MECR: variants seen among roughly 807,000 people sequenced by gnomAD.
The protein encoded by MECR is enoyl-[acyl-carrier-protein] reductase, mitochondrial.
MECR carries 37 observed loss-of-function variants against 49.1 expected under a neutral mutation model. The observed-to-expected ratio is 0.75, with a 90% CI of 0.58 to 0.99. The LOEUF is 0.99. Ranked by LOEUF, MECR falls within the 50% of genes least tolerant of loss-of-function variation. The pLI is 0.00. For synonymous variants in MECR, 198 were observed against 191.1 expected (o/e 1.04, Z -0.30); for missense variants, 470 against 479.6 (o/e 0.98, Z 0.19).
At chr1:29,215,474 A>T (rs770703740) in intron 3 of MECR, among the ~76,000 whole-genome samples, 3 of 152,080 alleles carry the variant, frequency 2.0e-5, no homozygotes, top group Non-Finnish European at 4.4e-5. Context: ...GCTACTCGGG[A>T]GGCTGAGGCA....
chr1:29,219,162 C>G (rs1042106183), intron 1 of MECR, among the ~76,000 whole-genome samples: 4 of 152,164 alleles, frequency 2.6e-5, no homozygotes, highest in African/African-American at 7.2e-5. Flanking sequence ...GGCATCAGCC[C>G]AGATAGTGAT....
chr1:29,207,850 C>T (rs1462970471), intron 3 of MECR, among the ~76,000 whole-genome samples: 1 of 152,168 alleles, frequency 6.6e-6, no homozygotes, highest in Non-Finnish European at 1.5e-5. Context: ...TAGTTAATGT[C>T]ACCGTGCAGG....
chr1:29,204,220 T>TA (rs886453683), intron 4 of MECR, among the ~76,000 whole-genome samples: 19 of 146,032 alleles, frequency 1.3e-4, no homozygotes, highest in African/African-American at 1.5e-4. Context: ...CTCCCTCTAT[T>TA]AAAAAAAAAA....
the MECR span, among the ~76,000 whole-genome samples, chr1:29,177,014 T>C: frequency 1.3e-5 from 2 of 152,188 alleles, no homozygotes; most frequent in Non-Finnish European, 2.9e-5. Flanking sequence ...GTGGTAAGTT[T>C]TACTCATTAA....
At chr1:29,215,341 A>G (rs1679109426) in intron 3 of MECR, among the ~76,000 whole-genome samples, 1 of 152,158 alleles carries the variant, frequency 6.6e-6, no homozygotes. Flanking sequence ...GCACTTTGGG[A>G]GGCTGAGTGG....
At chr1:29,181,601 TG>T in the MECR span, 7 of 1,513,352 alleles carry the variant, frequency 4.6e-6, no homozygotes, top group East Asian at 1.9e-4. Flanking sequence ...CCACCACCTA[TG>T]GGGTCTGTCC....
At chr1:29,197,116 G>A (rs1674199899) in intron 7 of MECR, among the ~76,000 whole-genome samples, 1 of 152,188 alleles carries the variant, frequency 6.6e-6, no homozygotes, top group African/African-American at 2.4e-5. Flanking sequence ...TGGATGACTT[G>A]TATGTTTAGC....
intron 5 of MECR, 74 bp downstream of exon 5, chr1:29,203,057 A>C (rs1675705696): frequency 7.8e-7 from 1 of 1,280,242 alleles, no homozygotes; most frequent in African/African-American, 1.5e-5. Flanking sequence ...CTGGTGGACA[A>C]CTGGGCACCG....
At chr1:29,172,163 C>T in the MECR span, 1 of 152,154 alleles carries the variant, frequency 6.6e-6, no homozygotes, top group Middle Eastern at 3.4e-3. Flanking sequence ...AAAATTTGAT[C>T]ACATTTGTAA....
chr1:29,173,695 C>G, the MECR span, among the ~76,000 whole-genome samples: 1 of 149,776 alleles, frequency 6.7e-6, no homozygotes, highest in East Asian at 2.0e-4. Context: ...GTGATCCGCC[C>G]ACCTCAGCTT....
chr1:29,205,067 G>A (rs548247234), intron 4 of MECR, among the ~76,000 whole-genome samples: 130 of 152,350 alleles, frequency 8.5e-4, no homozygotes, highest in Non-Finnish European at 2.9e-4. Context: ...TGTGCATGGT[G>A]TGCAGAGGCA....
In MECR at chr1:29,195,256, C is replaced by T. The variant is rs10915238; in HGVS notation, c.964+685G>A. Among the ~76,000 whole-genome samples the T allele has an allele frequency of 9.3e-3, 1,419 of 152,332 alleles. 49 individuals are homozygous for T. In the East Asian group the frequency reaches 0.11, roughly 12 times the overall value. On this transcript the variant is annotated intron_variant, in intron 9 of 9. Transcript: ENST00000263702. ...CTCAGATCTAGTGCTCCAGGTCGCT[C>T]GGAACCGCTTCAGTGCCTAGTTGCA...
At chr1:29,215,435 G>T (rs773091000) in intron 3 of MECR, among the ~76,000 whole-genome samples, 2 of 151,968 alleles carry the variant, frequency 1.3e-5, no homozygotes, top group Non-Finnish European at 2.9e-5. Context: ...AAAATTTGTC[G>T]GGCGTGATGG....
intron 1 of MECR, among the ~76,000 whole-genome samples, chr1:29,225,369 A>C (rs1681797689): frequency 6.6e-6 from 1 of 151,890 alleles, no homozygotes; most frequent in South Asian, 2.1e-4. Context: ...TGCTCACCGG[A>C]TCTCTGGAGC....
At chr1:29,177,635 T>C in the MECR span, among the ~76,000 whole-genome samples, 1 of 152,070 alleles carries the variant, frequency 6.6e-6, no homozygotes. Context: ...GAGACCTTAA[T>C]GGGAAATGGA....
At chr1:29,191,009 T>C (rs74343979), downstream of MECR, among the ~76,000 whole-genome samples, 22 of 152,284 alleles carry the variant, frequency 1.4e-4, no homozygotes, top group East Asian at 4.2e-3. Context: ...ATACCCTGTC[T>C]CTGTAACTGC....
At chr1:29,199,031 A>C (rs1674684104) in intron 7 of MECR, among the ~76,000 whole-genome samples, 1 of 152,140 alleles carries the variant, frequency 6.6e-6, no homozygotes, top group African/African-American at 2.4e-5. Flanking sequence ...GTGAATACTC[A>C]CCACAGTGCT....
At position 29,230,926 on chromosome 1, in the gene MECR, G is replaced by C; in HGVS notation, c.-20C>G. On this transcript the variant is annotated 5_prime_UTR_variant, in exon 1 of 10. Transcript: ENST00000263702. The stretch of plus-strand genomic sequence containing the variant: ...CCACATGCTCGCTCCAACCAACACA[G>C]AGCCTGACGCCCCGGCTACGTCATC... The C allele has an allele frequency of 1.3e-6, 2 of 1,566,670 alleles. No homozygotes were observed. The highest frequency in any genetic ancestry group is 8.6e-7 in the Non-Finnish European group (1 of 1,162,844).
At chr1:29,185,209 T>G in the MECR span, among the ~76,000 whole-genome samples, 1 of 152,192 alleles carries the variant, frequency 6.6e-6, no homozygotes, top group East Asian at 1.9e-4. Context: ...CATGAGCCAC[T>G]GCACCCAACC....
Sources: allele counts gnomAD v4.1 joint callset (sites outside exome capture counted in the v4.1 genomes callset), GRCh38; gene constraint gnomAD v4.1.1; transcripts MANE v1.5; gene names NCBI Gene and HGNC (gene_info 2026-07-23, HGNC 2026-07-21).